CNGB1: variants seen among roughly 807,000 people sequenced by gnomAD.
CNGB1 encodes the protein cyclic nucleotide gated channel subunit beta 1.
In CNGB1, 126 loss-of-function variants were observed where a neutral mutation model predicts 151.7. The observed-to-expected ratio is 0.83, with a 90% CI of 0.72 to 0.96. The LOEUF (loss-of-function observed/expected upper bound fraction) is 0.96. CNGB1 is among the 40% of genes least tolerant of loss of function. CNGB1 has a pLI of 0.00. For synonymous variants in CNGB1, 623 were observed against 635.1 expected (o/e 0.98, Z 0.29); for missense variants, 1,698 against 1,627.0 (o/e 1.04, Z -0.75).
At chr16:57,914,378 C>T (rs1960807255) in intron 23 of CNGB1, among the ~76,000 whole-genome samples, 1 of 152,216 alleles carries the variant, frequency 6.6e-6, no homozygotes, top group South Asian at 2.1e-4. Context: ...CCAGGAAGCT[C>T]AGAGGCAGCT....
In CNGB1 at chr16:57,963,075, C is replaced by A. The variant is rs1227150812; in HGVS notation, c.291-11G>T. On this transcript the variant is annotated splice_polypyrimidine_tract_variant and intron_variant, in intron 4 of 32. Coordinates refer to ENST00000251102, the MANE Select transcript of CNGB1 (RefSeq NM_001297.5). The stretch of plus-strand genomic sequence containing the variant: ...ACCCTGCGGCTGGGACTGCGATGGA[C>A]AGAGACACCAGCCCGCCCTCAACTT... The A allele has an allele frequency of 1.2e-6, 2 of 1,601,508 alleles. No homozygotes were observed. The highest frequency in any genetic ancestry group is 1.7e-6 in the Non-Finnish European group (2 of 1,170,348).
rs550796310 is a variant in CNGB1 at position 57,913,402 on chromosome 16, G to A, written c.2305-408C>T. On this transcript the variant is annotated intron_variant, in intron 23 of 32. Transcript: ENST00000251102. Reference sequence around the variant, plus strand: ...CACCCCACTCTTATATCCTTCAAAGGTTTATTTATAAGAATAAAAGTATAT... The same window carrying A: ...CACCCCACTCTTATATCCTTCAAAGATTTATTTATAAGAATAAAAGTATAT... Among the ~76,000 whole-genome samples, 8 of 152,190 alleles carry A rather than the reference G, an allele frequency of 5.3e-5. No homozygotes were observed. In the East Asian group the frequency reaches 1.5e-3, roughly 29 times the overall value.
intron 16 of CNGB1, among the ~76,000 whole-genome samples, chr16:57,935,479 A>C (rs1394258250): frequency 2.6e-5 from 4 of 152,160 alleles, no homozygotes; most frequent in Non-Finnish European, 5.9e-5. Context: ...CAGGAGTTCA[A>C]GACCAGCCTG....
At chr16:57,962,772 G>A in intron 6 of CNGB1, 70 bp downstream of exon 6, 1 of 1,599,402 alleles carries the variant, frequency 6.3e-7, no homozygotes, top group Non-Finnish European at 8.5e-7. Flanking sequence ...CCAAGGGGCA[G>A]GGCCCATCCC....
intron 16 of CNGB1, among the ~76,000 whole-genome samples, chr16:57,932,287 A>G (rs1961375381): frequency 6.6e-6 from 1 of 152,196 alleles, no homozygotes. Flanking sequence ...AGCCTGAGTC[A>G]GCTGCTTCCC....
rs142408512 is a variant in CNGB1, at chr16:57,927,374, C to T, written c.1536-3994G>A. On this transcript the variant is annotated intron_variant, in intron 17 of 32. Coordinates refer to ENST00000251102, the MANE Select transcript of CNGB1 (RefSeq NM_001297.5). ...TGCTCACAGTCAGCCCCACCGCCCT[C>T]GGCCTCTACAGAGAGGCAGGCCTCA... 2.0e-4 allele frequency among the ~76,000 whole-genome samples: 30 copies of T among 152,348 alleles called. No individual in the cohort carries two copies. In the East Asian group the frequency reaches 5.4e-3, roughly 27 times the overall value.
At chr16:57,930,936 G>C (rs1011583332) in intron 17 of CNGB1, among the ~76,000 whole-genome samples, 3 of 151,952 alleles carry the variant, frequency 2.0e-5, no homozygotes, top group African/African-American at 4.8e-5. Flanking sequence ...AAAAATTCTA[G>C]AGATGTGCTG....
In CNGB1 at chr16:57,897,476, A is replaced by G. The variant is rs757969882; in HGVS notation, c.3163T>C (p.Phe1055Leu). The stretch of plus-strand genomic sequence containing the variant: ...TTCAGGTCCTTCTTATCCAGGATGA[A>G]GAGGTTGGTAAACCCGTGCGCCACC... The part of the protein sequence containing the change: ...NVVAHGFTNL[F>L]ILDKKDLNEI... The change falls in exon 31 of 33, where the codon TTC becomes CTC. Residue 1055 changes from phenylalanine (F) to leucine (L), a missense_variant. Coordinates refer to ENST00000251102, the MANE Select transcript of CNGB1 (RefSeq NM_001297.5). 1 of 1,614,224 alleles carries G rather than the reference A, an allele frequency of 6.2e-7. No individual in the cohort carries two copies. The highest frequency in any genetic ancestry group is 8.5e-7 in the Non-Finnish European group (1 of 1,180,036).
At chr16:57,964,633 TG>T in intron 2 of CNGB1, 89 bp from the exon 3 acceptor site, 1 of 933,392 alleles carries the variant, frequency 1.1e-6, no homozygotes, top group East Asian at 3.1e-5. Context: ...AAGGGATCCC[TG>T]CCCCACAAAA....
Position 57,964,552 on chromosome 16 carries a change from G to T in CNGB1, c.160-8C>A, listed in dbSNP as rs759635956. 6.2e-7 allele frequency: 1 copy of T among 1,613,550 alleles called. No individual in the cohort carries two copies. Among genetic ancestry groups the T allele is most frequent in the Non-Finnish European group, 8.5e-7 (1 of 1,179,792 alleles). ...GAATGACTCTTCGGGGGGCTAGAGG[G>T]TTCGAACAGGATCATGTAAGTCCTA... On this transcript the variant is annotated splice_region_variant and splice_polypyrimidine_tract_variant and intron_variant, in intron 2 of 32. Coordinates refer to ENST00000251102, the MANE Select transcript of CNGB1 (RefSeq NM_001297.5).
At chr16:57,967,455 AG>A in intron 1 of CNGB1, 161 bp from the exon 2 acceptor site, 1 of 689,102 alleles carries the variant, frequency 1.5e-6, no homozygotes, top group Non-Finnish European at 2.5e-6. Context: ...GCAATTTGGG[AG>A]GCTGAGATGG....
chr16:57,964,159 G>C lies in CNGB1; in HGVS notation c.261C>G (p.Ala87=). The part of the protein sequence containing the change: ...AALTSTISLR[A]QGAEISEMNS... The stretch of plus-strand genomic sequence containing the variant: ...TCATTTCAGAAATCTCAGCGCCCTG[G>C]GCCCGGAGGGATATGGTGGAAGTAA... Residue 87 remains alanine (A), a synonymous_variant, in exon 4 of 33, where the codon GCC becomes GCG. Coordinates refer to ENST00000251102, the MANE Select transcript of CNGB1 (RefSeq NM_001297.5). 6.2e-7 allele frequency: 1 copy of C among 1,614,200 alleles called. No individual in the cohort carries two copies. Among genetic ancestry groups the C allele is most frequent in the South Asian group, 1.1e-5 (1 of 91,076 alleles).
intron 2 of CNGB1, among the ~76,000 whole-genome samples, chr16:57,966,209 G>A (rs1180462673): frequency 6.6e-6 from 1 of 152,148 alleles, no homozygotes; most frequent in African/African-American, 2.4e-5. Flanking sequence ...CCCAAGAAGG[G>A]GAGAGTTGAG....
At chr16:57,964,076 G>C in intron 4 of CNGB1, 54 bp downstream of exon 4, 2 of 1,555,122 alleles carry the variant, frequency 1.3e-6, no homozygotes, top group Non-Finnish European at 1.8e-6. Flanking sequence ...CCCTAGCTGG[G>C]AGGGTAGTTG....
chr16:57,904,655 A>G, intron 26 of CNGB1, 79 bp downstream of exon 26: 1 of 1,596,876 alleles, frequency 6.3e-7, no homozygotes, highest in South Asian at 1.1e-5. Context: ...CAACGGGCAC[A>G]GAGGGTGACA....
chr16:57,886,227 T>C (rs1359450536), intron 32 of CNGB1, among the ~76,000 whole-genome samples: 1 of 152,154 alleles, frequency 6.6e-6, no homozygotes, highest in Non-Finnish European at 1.5e-5. Context: ...TCTGCCCTGG[T>C]TGTTCTGATT....
In CNGB1 at chr16:57,904,728, C is replaced by G. The variant is rs374018113; in HGVS notation, c.2634+6G>C. 31 of 1,613,994 alleles carry G rather than the reference C, an allele frequency of 1.9e-5. No individual in the cohort carries two copies. Among genetic ancestry groups the G allele is most frequent in the African/African-American group, 4.0e-5 (3 of 75,034 alleles). ...GGGGTGGGAAGCTGGGCTGGTGCCC[C>G]GATACCTGTCCGATCATCACAGAGA... On this transcript the variant is annotated splice_donor_region_variant and intron_variant, in intron 26 of 32. Coordinates refer to ENST00000251102, the MANE Select transcript of CNGB1 (RefSeq NM_001297.5).
intron 26 of CNGB1, among the ~76,000 whole-genome samples, chr16:57,904,280 T>C (rs1490119976): frequency 6.6e-6 from 1 of 152,096 alleles, no homozygotes; most frequent in Non-Finnish European, 1.5e-5. Context: ...TCTGGTACAA[T>C]ACAGTTCCTC....
At position 57,923,296 on chromosome 16, in the gene CNGB1, G is replaced by A; in HGVS notation, c.1620C>T (p.Asp540=). ...PAESPVVAWS[D]PTTPKDTDGQ... ...ACTCAGTGTCCTTCGGGGTGGTGGGGTCAGACCAGGCAACCACTGGGGACT... is the reference window on the plus strand; with the variant it reads ...ACTCAGTGTCCTTCGGGGTGGTGGGATCAGACCAGGCAACCACTGGGGACT... The change falls in exon 18 of 33, where the codon GAC becomes GAT. Residue 540 remains aspartate (D), a synonymous_variant. Coordinates refer to ENST00000251102, the MANE Select transcript of CNGB1 (RefSeq NM_001297.5). 1 of 1,613,206 alleles carries A rather than the reference G, an allele frequency of 6.2e-7. No individual in the cohort carries two copies. Among genetic ancestry groups the A allele is most frequent in the East Asian group, 2.2e-5 (1 of 44,822 alleles).
Sources: gnomAD v4.1 joint callset for allele counts (sites outside exome capture counted in the v4.1 genomes callset) on GRCh38, gnomAD v4.1.1 for gene constraint, MANE v1.5 for transcripts, NCBI Gene and HGNC (gene_info 2026-07-23, HGNC 2026-07-21) for gene names.